Variants in NDST3 observed in about 807,000 individuals in gnomAD.
The protein encoded by NDST3 is bifunctional heparan sulfate N-deacetylase/N-sulfotransferase 3.
NDST3 carries 58 observed loss-of-function variants against 96.1 expected under a neutral mutation model. The ratio of observed to expected loss-of-function variants is 0.60; its 90% CI spans 0.49 to 0.75. NDST3 has a LOEUF of 0.75. Ranked by LOEUF, NDST3 falls within the 30% of genes least tolerant of loss-of-function variation. NDST3 has a pLI of 0.00. For missense variants in NDST3, 788 were observed against 1,034.2 expected (o/e 0.76, Z 3.27); for synonymous variants, 333 against 359.7 (o/e 0.93, Z 0.84).
At chr4:118,070,742 C>T (rs1182694835) in intron 2 of NDST3, among the ~76,000 whole-genome samples, 2 of 151,322 alleles carry the variant, frequency 1.3e-5, no homozygotes, top group Non-Finnish European at 2.9e-5. Context: ...TGCTGTGCTG[C>T]ACCCATTAAC....
chr4:118,155,938 T>C (rs1260599856), intron 6 of NDST3, among the ~76,000 whole-genome samples: 1 of 152,224 alleles, frequency 6.6e-6, no homozygotes, highest in East Asian at 1.9e-4. Flanking sequence ...TATGTTATTC[T>C]TTGTTCAATC....
intron 2 of NDST3, among the ~76,000 whole-genome samples, chr4:118,080,681 T>A (rs1400520473): frequency 6.6e-6 from 1 of 152,154 alleles, no homozygotes; most frequent in Non-Finnish European, 1.5e-5. Flanking sequence ...CATATTTTTT[T>A]AATGTCCTTC....
intron 2 of NDST3, among the ~76,000 whole-genome samples, chr4:118,093,108 G>A (rs1212914563): frequency 3.3e-5 from 5 of 151,826 alleles, no homozygotes; most frequent in Non-Finnish European, 4.4e-5. Context: ...CGCTGGAACT[G>A]AGTGAGAATG....
chr4:118,218,718 A>AG, intron 6 of NDST3, among the ~76,000 whole-genome samples: 1 of 152,168 alleles, frequency 6.6e-6, no homozygotes, highest in East Asian at 1.9e-4. Context: ...AAAGAAATAA[A>AG]GGGTATTCAG....
At chr4:118,091,797 T>C (rs1728887976) in intron 2 of NDST3, among the ~76,000 whole-genome samples, 1 of 151,844 alleles carries the variant, frequency 6.6e-6, no homozygotes, top group South Asian at 2.1e-4. Flanking sequence ...GCCCAAAGTA[T>C]TGTTGTGTAT....
chr4:118,107,741 T>C (rs1008230887), intron 3 of NDST3, among the ~76,000 whole-genome samples: 38 of 152,080 alleles, frequency 2.5e-4, no homozygotes, highest in Non-Finnish European at 4.6e-4. Flanking sequence ...TTAAATAAGA[T>C]AGAAAAGGCT....
chr4:118,058,748 G>A (rs959843351), intron 2 of NDST3, among the ~76,000 whole-genome samples: 3 of 151,646 alleles, frequency 2.0e-5, no homozygotes, highest in Non-Finnish European at 4.4e-5. Context: ...CAAACTTCCC[G>A]ACTAAGGGTT....
At chr4:118,254,007 G>A (rs962219022) in intron 13 of NDST3, among the ~76,000 whole-genome samples, 5 of 152,102 alleles carry the variant, frequency 3.3e-5, no homozygotes, top group Non-Finnish European at 7.4e-5. Context: ...TTGGAAGGCC[G>A]ACGTGGGTGG....
At chr4:118,088,037 A>C (rs953333692) in intron 2 of NDST3, among the ~76,000 whole-genome samples, 5 of 152,054 alleles carry the variant, frequency 3.3e-5, no homozygotes, top group African/African-American at 1.2e-4. Context: ...ACCTTTATTC[A>C]GATGAAGCTG....
At chr4:118,152,579 T>C (rs953020245) in intron 6 of NDST3, among the ~76,000 whole-genome samples, 1 of 152,160 alleles carries the variant, frequency 6.6e-6, no homozygotes, top group African/African-American at 2.4e-5. Context: ...ATGAGGTCGC[T>C]TTACTTACAA....
intron 6 of NDST3, among the ~76,000 whole-genome samples, chr4:118,187,914 TC>T (rs1737070783): frequency 6.6e-6 from 1 of 152,144 alleles, no homozygotes; most frequent in Non-Finnish European, 1.5e-5. Flanking sequence ...GCAAGAGCAA[TC>T]TTTCTCTGAT....
At chr4:118,053,333 CAT>C (rs1018514867) in intron 1 of NDST3, among the ~76,000 whole-genome samples, 5 of 152,030 alleles carry the variant, frequency 3.3e-5, no homozygotes, top group East Asian at 1.9e-4. Context: ...AAGAAAAACA[CAT>C]GTTTTAATTA....
chr4:118,240,655 C>A lies in NDST3; in HGVS notation c.2250C>A (p.Ser750Arg). ...GTTTGGTCCCGGGGTGGTATGCCAGCCACATCGAGAGATGGCTTGTTTATT... is the reference window on the plus strand; with the variant it reads ...GTTTGGTCCCGGGGTGGTATGCCAGACACATCGAGAGATGGCTTGTTTATT... ...KRCLVPGWYA[S>R]HIERWLVYFP... Residue 750 changes from serine to arginine, a missense_variant, in exon 11 of 14, where the codon AGC becomes AGA. Coordinates refer to ENST00000296499, the MANE Select transcript of NDST3 (RefSeq NM_004784.3). The A allele has an allele frequency of 6.2e-7, 1 of 1,613,694 alleles. No individual in the cohort carries two copies. The highest frequency in any genetic ancestry group is 8.5e-7 in the Non-Finnish European group (1 of 1,179,804).
chr4:118,159,445 G>A (rs1734945129), intron 6 of NDST3, among the ~76,000 whole-genome samples: 1 of 152,186 alleles, frequency 6.6e-6, no homozygotes. Context: ...ATTGGTGAAG[G>A]TTTGTTCCTA....
In NDST3 at chr4:118,234,765, C is replaced by T. The variant is rs180940245; in HGVS notation, c.1943+1630C>T. 1.3e-4 allele frequency among the ~76,000 whole-genome samples: 20 copies of T among 152,182 alleles called. 1 individual carries two copies. The East Asian group carries it at 3.1e-3, about 24-fold the overall frequency. On this transcript the variant is annotated intron_variant, in intron 9 of 13. Coordinates refer to ENST00000296499, the MANE Select transcript of NDST3 (RefSeq NM_004784.3). ...AAAAGTCCAGCTGGGCACACTGGCT[C>T]ACACCTGTAATCCCAGCACTTTGGG...
At chr4:118,095,346 A>G (rs989127254) in intron 2 of NDST3, among the ~76,000 whole-genome samples, 1 of 151,878 alleles carries the variant, frequency 6.6e-6, no homozygotes, top group Non-Finnish European at 1.5e-5. Flanking sequence ...AAGTAATGTA[A>G]GGATTTTTGA....
intron 2 of NDST3, among the ~76,000 whole-genome samples, chr4:118,068,142 T>C (rs1006458929): frequency 4.7e-5 from 7 of 149,428 alleles, no homozygotes; most frequent in Admixed American, 1.3e-4. Flanking sequence ...ACATATGACA[T>C]AGTCAACAGC....
intron 2 of NDST3, among the ~76,000 whole-genome samples, chr4:118,081,286 A>T (rs1049138134): frequency 6.6e-6 from 1 of 152,144 alleles, no homozygotes; most frequent in African/African-American, 2.4e-5. Context: ...CTCTCCTAAA[A>T]AATACACTAT....
intron 4 of NDST3, 96 bp from the exon 5 acceptor site, chr4:118,137,958 A>G: frequency 9.7e-7 from 1 of 1,035,168 alleles, no homozygotes. Context: ...TGATGCATTT[A>G]AATATATATA....
Sources: allele counts gnomAD v4.1 joint callset (sites outside exome capture counted in the v4.1 genomes callset), GRCh38; gene constraint gnomAD v4.1.1; transcripts MANE v1.5; gene names NCBI Gene and HGNC (gene_info 2026-07-23, HGNC 2026-07-21).